The following PIWIL2 variants were observed in gnomAD, a reference collection of about 807,000 sequenced individuals.
PIWIL2 encodes the protein piwi-like protein 2.
A neutral mutation model predicts 116.5 loss-of-function variants in PIWIL2; 81 were observed. The observed-to-expected ratio is 0.70, with a 90% confidence interval of 0.58 to 0.84. PIWIL2 has a LOEUF of 0.84. Ranked by LOEUF, PIWIL2 falls within the 40% of genes least tolerant of loss-of-function variation. The pLI is 0.00. For synonymous variants in PIWIL2, 489 were observed against 429.5 expected (o/e 1.14, Z -1.71); for missense variants, 1,272 against 1,212.3 (o/e 1.05, Z -0.73).
At position 22,305,172 on chromosome 8, in the gene PIWIL2, CATTTATTTATTT is replaced by C. The variant is rs10669583; in HGVS notation, c.1455+333_1455+344del. Among the ~76,000 whole-genome samples the C allele has an allele frequency of 2.1e-4, 30 of 143,940 alleles. 1 individual carries two copies. The highest frequency in any genetic ancestry group is 7.0e-4 in the South Asian group (3 of 4,284). 94.4% of individuals were successfully genotyped at this position (143,940 alleles called of 152,430 possible). ...ATCCATGAGGAAAGGTATAGATATT[CATTTATTTATTT>C]ATTTATTTATTTATTTATTTATTTA... On this transcript the variant is annotated intron_variant, in intron 12 of 22. Coordinates refer to ENST00000356766, the MANE Select transcript of PIWIL2 (RefSeq NM_018068.5).
chr8:22,280,550 T>TA (rs1038550329), intron 2 of PIWIL2, among the ~76,000 whole-genome samples: 2 of 152,270 alleles, frequency 1.3e-5, no homozygotes, highest in Admixed American at 1.3e-4. Flanking sequence ...AAAGTAATCT[T>TA]ACATGTTGAC....
At chr8:22,318,342 A>T in intron 20 of PIWIL2, 67 bp downstream of exon 20, 8 of 862,840 alleles carry the variant, frequency 9.3e-6, no homozygotes, top group Non-Finnish European at 1.5e-5. Context: ...TTTGAGACAG[A>T]GTCTCACTCT....
rs757893322 is a variant in PIWIL2, at chr8:22,306,021, G to T, written c.1545+5G>T. ...AAGGACTTCAGAGCCATGAAGGTTG[G>T]AGTCCTGTGTTTTCAGCCGGAAATG... On this transcript the variant is annotated splice_donor_5th_base_variant and intron_variant, in intron 13 of 22. Transcript: ENST00000356766. 4 of 1,606,444 alleles carry T rather than the reference G, an allele frequency of 2.5e-6. No individual in the cohort carries two copies. The highest frequency in any genetic ancestry group is 1.7e-4 in the Middle Eastern group (1 of 6,058).
intron 20 of PIWIL2, among the ~76,000 whole-genome samples, chr8:22,351,872 C>G (rs1014802795): frequency 6.6e-6 from 1 of 151,110 alleles, no homozygotes; most frequent in African/African-American, 2.4e-5. Flanking sequence ...AGTATGAACA[C>G]AAACTTAGAA....
chr8:22,279,040 A>G (rs1405285441), intron 1 of PIWIL2, among the ~76,000 whole-genome samples: 2 of 152,178 alleles, frequency 1.3e-5, no homozygotes, highest in Non-Finnish European at 2.9e-5. Flanking sequence ...AAAGTACACA[A>G]TAAATGTAAT....
intron 16 of PIWIL2, among the ~76,000 whole-genome samples, chr8:22,311,532 ACTGG>A (rs1831330944): frequency 6.6e-6 from 1 of 152,136 alleles, no homozygotes; most frequent in African/African-American, 2.4e-5. Flanking sequence ...TTCTTACGTA[ACTGG>A]CTGAGAGAAT....
chr8:22,308,912 A>C (rs1831256084), intron 14 of PIWIL2, among the ~76,000 whole-genome samples: 1 of 151,770 alleles, frequency 6.6e-6, no homozygotes, highest in South Asian at 2.1e-4. Context: ...TAGCCTCCCA[A>C]AGTGTTAGGA....
At chr8:22,330,437 G>A (rs967822062) in intron 20 of PIWIL2, among the ~76,000 whole-genome samples, 3 of 152,066 alleles carry the variant, frequency 2.0e-5, no homozygotes, top group East Asian at 3.9e-4. Context: ...GGTGGCTCAC[G>A]CCTATAATCC....
At chr8:22,280,272 G>A (rs1830470545) in intron 2 of PIWIL2, among the ~76,000 whole-genome samples, 1 of 152,122 alleles carries the variant, frequency 6.6e-6, no homozygotes, top group Non-Finnish European at 1.5e-5. Context: ...TGCCTCTGAG[G>A]TAATAATACT....
At chr8:22,285,388 A>G (rs1200163646) in intron 6 of PIWIL2, among the ~76,000 whole-genome samples, 1 of 152,138 alleles carries the variant, frequency 6.6e-6, no homozygotes, top group Non-Finnish European at 1.5e-5. Flanking sequence ...TCATACTGTC[A>G]CATATGACAG....
intron 19 of PIWIL2, among the ~76,000 whole-genome samples, chr8:22,316,969 A>T (rs1050621425): frequency 7.2e-5 from 11 of 152,100 alleles, no homozygotes; most frequent in African/African-American, 2.7e-4. Context: ...TTGTAGAGAC[A>T]GGGTTTCACC....
intron 10 of PIWIL2, among the ~76,000 whole-genome samples, chr8:22,302,079 A>G (rs1831063625): frequency 6.6e-6 from 1 of 151,724 alleles, no homozygotes; most frequent in Non-Finnish European, 1.5e-5. Flanking sequence ...TTCTTCTTTG[A>G]TCTGTGGGTT....
rs762848843 is a variant in PIWIL2, at chr8:22,279,565, A to G, written c.179A>G (p.Gln60Arg). 3.1e-6 allele frequency: 5 copies of G among 1,614,164 alleles called. No homozygotes were observed. The South Asian group carries it at 4.4e-5, about 14-fold the overall frequency. ...VFGKPEEPST[Q>R]RGPAQRESVG... ...GGAAAGCCAGAGGAACCAAGCACAC[A>G]GAGGGGGCCAGCACAAAGGGTAAGA... Residue 60 changes from glutamine to arginine, a missense_variant, in exon 2 of 23, where the codon CAG becomes CGG. Transcript: ENST00000356766.
intron 20 of PIWIL2, among the ~76,000 whole-genome samples, chr8:22,322,986 G>A (rs533770439): frequency 6.6e-6 from 1 of 151,642 alleles, no homozygotes; most frequent in South Asian, 2.1e-4. Flanking sequence ...GTATGATCTC[G>A]GCTCACTGCA....
chr8:22,317,307 C>T (rs1023591400), intron 19 of PIWIL2, among the ~76,000 whole-genome samples: 5 of 152,154 alleles, frequency 3.3e-5, no homozygotes, highest in African/African-American at 4.8e-5. Flanking sequence ...TTCATATTAA[C>T]AGTTGCCAAA....
chr8:22,342,890 G>T (rs954757293), intron 20 of PIWIL2, among the ~76,000 whole-genome samples: 4 of 152,086 alleles, frequency 2.6e-5, no homozygotes, highest in African/African-American at 9.7e-5. Flanking sequence ...AGTATACAAA[G>T]AACTCTTAAA....
At chr8:22,288,731 C>G in intron 8 of PIWIL2, 65 bp downstream of exon 8, 2 of 1,399,276 alleles carry the variant, frequency 1.4e-6, no homozygotes, top group Non-Finnish European at 2.0e-6. Flanking sequence ...TAATGTTCTT[C>G]AAGATACTTG....
Position 22,281,145 on chromosome 8 carries a change from T to G in PIWIL2, c.224T>G (p.Phe75Cys), listed in dbSNP as rs1830489325. The change falls in exon 3 of 23, where the codon TTC becomes TGC. Residue 75 changes from phenylalanine (F) to cysteine (C), a missense_variant. Physicochemically the swap from Phe to Cys is radical, Grantham distance 205. Coordinates refer to ENST00000356766, the MANE Select transcript of PIWIL2 (RefSeq NM_018068.5). The part of the protein sequence containing the change: ...QRESVGLVSM[F>C]RGLGIETVSK... ...GAGTCTGTGGGTTTGGTCTCCATGT[T>G]CCGAGGCCTGGGCATTGAAACAGTT... The G allele has an allele frequency of 6.2e-7, 1 of 1,612,842 alleles. No individual in the cohort carries two copies. The highest frequency in any genetic ancestry group is 1.1e-5 in the South Asian group (1 of 90,756).
At position 22,279,566 on chromosome 8, in the gene PIWIL2, G is replaced by A. The variant is rs766653907; in HGVS notation, c.180G>A (p.Gln60=). The A allele has an allele frequency of 3.1e-5, 50 of 1,614,066 alleles. No individual in the cohort carries two copies. Among genetic ancestry groups the A allele is most frequent in the Non-Finnish European group, 3.8e-5 (45 of 1,180,012 alleles). Residue 60 remains glutamine (Q), a synonymous_variant, in exon 2 of 23, where the codon CAG becomes CAA. Coordinates refer to ENST00000356766, the MANE Select transcript of PIWIL2 (RefSeq NM_018068.5). ...GAAAGCCAGAGGAACCAAGCACACA[G>A]AGGGGGCCAGCACAAAGGGTAAGAC... ...VFGKPEEPST[Q]RGPAQRESVG...
Sources: gnomAD v4.1 joint callset for allele counts (sites outside exome capture counted in the v4.1 genomes callset) on GRCh38, gnomAD v4.1.1 for gene constraint, MANE v1.5 for transcripts, NCBI Gene and HGNC (gene_info 2026-07-23, HGNC 2026-07-21) for gene names.